The following TMEM131L variants were observed in gnomAD, a reference collection of about 807,000 sequenced individuals.
TMEM131L encodes transmembrane 131 like.
In TMEM131L, 54 loss-of-function variants were observed where a neutral mutation model predicts 192.2. The observed-to-expected ratio is 0.28, with a 90% CI of 0.23 to 0.35. The LOEUF is 0.35. Among genes scored for constraint, TMEM131L ranks in the 10% least tolerant of loss-of-function variants. TMEM131L has a pLI of 1.00. For missense variants in TMEM131L, 1,888 were observed against 1,972.9 expected, an observed-to-expected ratio of 0.96 and a Z score of 0.82; for synonymous variants, 701 against 704.9, an observed-to-expected ratio of 0.99 and a Z score of 0.09.
intron 3 of TMEM131L, among the ~76,000 whole-genome samples, chr4:153,498,036 C>T (rs78578235): frequency 0.031 from 4,731 of 152,178 alleles, 230 homozygotes; most frequent in African/African-American, 0.11. Context: ...CGTTGTGTTC[C>T]GTTCTTTTTT....
chr4:153,490,953 CAAAA>C (rs3040164), intron 3 of TMEM131L, among the ~76,000 whole-genome samples: 10 of 82,064 alleles, frequency 1.2e-4, no homozygotes, highest in Admixed American at 2.6e-4. Context: ...GACTCTGTCT[CAAAA>C]AAAAAAAAAA....
chr4:153,581,069 C>T lies in TMEM131L; in HGVS notation c.738+166C>T, dbSNP rs186527881. Among the ~76,000 whole-genome samples, 35 of 152,228 alleles carry T rather than the reference C, an allele frequency of 2.3e-4. No individual in the cohort carries two copies. The East Asian group carries it at 6.4e-3, about 28-fold the overall frequency. Reference sequence around the variant, plus strand: ...GAGATTGAGACCATCCTGGCTAACACGGTGAAACTCCGTCTCTACTAAAAA... The same window carrying T: ...GAGATTGAGACCATCCTGGCTAACATGGTGAAACTCCGTCTCTACTAAAAA... On this transcript the variant is annotated intron_variant, in intron 8 of 34. Coordinates refer to ENST00000409959, the MANE Select transcript of TMEM131L (RefSeq NM_001131007.2).
intron 3 of TMEM131L, among the ~76,000 whole-genome samples, chr4:153,515,642 G>A (rs1417635603): frequency 1.3e-4 from 20 of 152,164 alleles, no homozygotes; most frequent in Admixed American, 1.3e-3. Flanking sequence ...TCCATTTTGA[G>A]GAACTGCCAA....
At chr4:153,604,498 C>T (rs944326991) in intron 25 of TMEM131L, 68 bp downstream of exon 25, 24 of 1,423,944 alleles carry the variant, frequency 1.7e-5, no homozygotes, top group Non-Finnish European at 2.2e-5. Flanking sequence ...TGGAATTGTT[C>T]TCACCTGTGA....
At position 153,555,883 on chromosome 4, in the gene TMEM131L, T is replaced by C. The variant is rs1013308199; in HGVS notation, c.405T>C (p.His135=). Residue 135 remains histidine (H), a synonymous_variant, in exon 5 of 35, where the codon CAT becomes CAC. Coordinates refer to ENST00000409959, the MANE Select transcript of TMEM131L (RefSeq NM_001131007.2). The surrounding 1 kb of genome is among the most constrained non-coding windows in gnomAD (Gnocchi z 4.1). ...ATTCAGTGTTTGCAGCTGCTGGACA[T>C]TTCCATGTACCGCCAGTTCCCTGCA... ...VVNSVFAAAG[H]FHVPPVPCRV... is the part of the protein sequence containing the mutation. 1 of 1,551,430 alleles carries C rather than the reference T, an allele frequency of 6.4e-7. No homozygotes were observed. Among genetic ancestry groups the C allele is most frequent in the Non-Finnish European group, 8.7e-7 (1 of 1,146,928 alleles).
intron 3 of TMEM131L, among the ~76,000 whole-genome samples, chr4:153,524,352 TCC>T (rs931085086): frequency 6.6e-6 from 1 of 152,182 alleles, no homozygotes; most frequent in African/African-American, 2.4e-5. Flanking sequence ...CGAGGGCTAC[TCC>T]CTGCTGGCAG....
intron 25 of TMEM131L, among the ~76,000 whole-genome samples, chr4:153,604,981 G>A (rs572402788): frequency 6.6e-6 from 1 of 152,248 alleles, no homozygotes; most frequent in South Asian, 2.1e-4. Context: ...GGGATTATAG[G>A]CGTGAGCCAC....
chr4:153,529,076 G>C (rs538183758), intron 3 of TMEM131L, among the ~76,000 whole-genome samples: 1 of 151,936 alleles, frequency 6.6e-6, no homozygotes, highest in Non-Finnish European at 1.5e-5. Flanking sequence ...TCAGTTGCCT[G>C]TTCTGTGATC....
intron 7 of TMEM131L, among the ~76,000 whole-genome samples, chr4:153,565,486 G>A (rs1729129621): frequency 6.6e-6 from 1 of 152,204 alleles, no homozygotes; most frequent in Non-Finnish European, 1.5e-5. Context: ...AGTAGAGCCA[G>A]TGAATGATTA....
chr4:153,593,715 T>C (rs1269194317), intron 18 of TMEM131L, 84 bp from the exon 19 acceptor site: 1 of 872,574 alleles, frequency 1.1e-6, no homozygotes, highest in African/African-American at 1.6e-5. Flanking sequence ...TATGTATAAA[T>C]GTATATATGT....
At position 153,614,247 on chromosome 4, in the gene TMEM131L, G is replaced by A. The variant is rs115037307; in HGVS notation, c.3567+1847G>A. Among the ~76,000 whole-genome samples the A allele has an allele frequency of 4.1e-3, 621 of 152,296 alleles. 6 individuals carry two copies. The highest frequency in any genetic ancestry group is 0.013 in the African/African-American group (542 of 41,562). ...GGAGGGGTCAGAGTCCTCCTAGGTC[G>A]GAAGGCCATTGAATGCTGATTGAAA... On this transcript the variant is annotated intron_variant, in intron 26 of 34. Coordinates refer to ENST00000409959, the MANE Select transcript of TMEM131L (RefSeq NM_001131007.2).
intron 3 of TMEM131L, among the ~76,000 whole-genome samples, chr4:153,479,348 T>C (rs1447828425): frequency 6.6e-6 from 1 of 152,244 alleles, no homozygotes; most frequent in East Asian, 1.9e-4. Context: ...TCCCCATTTT[T>C]CCCTGGGTAT....
intron 3 of TMEM131L, among the ~76,000 whole-genome samples, chr4:153,532,769 A>G (rs1203035571): frequency 6.6e-6 from 1 of 152,098 alleles, no homozygotes; most frequent in African/African-American, 2.4e-5. Flanking sequence ...AACGTTCCAA[A>G]GGTTACCTGC....
chr4:153,576,657 A>C (rs2150683739), intron 7 of TMEM131L, among the ~76,000 whole-genome samples: 1 of 150,664 alleles, frequency 6.6e-6, no homozygotes, highest in African/African-American at 2.5e-5. Flanking sequence ...TAACATAGTT[A>C]AATTGTTGTA....
chr4:153,611,192 G>T (rs2126568727), intron 25 of TMEM131L, among the ~76,000 whole-genome samples: 1 of 152,364 alleles, frequency 6.6e-6, no homozygotes, highest in South Asian at 2.1e-4. Context: ...GGCATTCACT[G>T]TAGCAGGGAG....
chr4:153,553,467 A>C (rs1737784221), intron 4 of TMEM131L, among the ~76,000 whole-genome samples: 1 of 152,070 alleles, frequency 6.6e-6, no homozygotes, highest in African/African-American at 2.4e-5. Flanking sequence ...TAAAAAAAAA[A>C]AAAACCTCAG....
intron 7 of TMEM131L, among the ~76,000 whole-genome samples, chr4:153,568,060 A>G (rs971437131): frequency 1.3e-5 from 2 of 152,174 alleles, no homozygotes; most frequent in African/African-American, 4.8e-5. Flanking sequence ...GATGTTGTAC[A>G]TTTACTTATC....
intron 33 of TMEM131L, among the ~76,000 whole-genome samples, chr4:153,635,131 A>T (rs890167901): frequency 6.6e-6 from 1 of 152,200 alleles, no homozygotes; most frequent in Non-Finnish European, 1.5e-5. Flanking sequence ...CACTATTTAG[A>T]TATCTAGTAG....
chr4:153,627,974 C>T (rs938661291), intron 31 of TMEM131L, among the ~76,000 whole-genome samples: 1 of 152,232 alleles, frequency 6.6e-6, no homozygotes, highest in Non-Finnish European at 1.5e-5. Flanking sequence ...CAGCAGACTC[C>T]TGATTCATTT....
Sources: gnomAD v4.1 joint callset for allele counts (sites outside exome capture counted in the v4.1 genomes callset) on GRCh38, gnomAD v4.1.1 for gene constraint, Gnocchi (gnomAD v3.1) non-coding constraint, MANE v1.5 for transcripts, NCBI Gene and HGNC (gene_info 2026-07-23, HGNC 2026-07-21) for gene names.